The following NRXN3 variants were observed in gnomAD, a reference collection of about 807,000 sequenced individuals.
The protein encoded by NRXN3 is neurexin 3.
Under a neutral mutation model 137.6 loss-of-function variants are expected in NRXN3, and 32 were observed. The ratio of observed to expected loss-of-function variants is 0.23; its 90% CI spans 0.18 to 0.31. The LOEUF (loss-of-function observed/expected upper bound fraction) is 0.31. Among genes scored for constraint, NRXN3 ranks in the 10% least tolerant of loss-of-function variants. The probability of loss-of-function intolerance (pLI) is 1.00; values close to 1 mark genes in which losing one functional copy is unlikely to be tolerated. For synonymous variants in NRXN3, 798 were observed against 784.5 expected, an observed-to-expected ratio of 1.02 and a Z score of -0.29; for missense variants, 1,574 against 2,062.5, an observed-to-expected ratio of 0.76 and a Z score of 4.59.
chr14:79,578,592 C>T (rs1273343899), intron 16 of NRXN3, among the ~76,000 whole-genome samples: 4 of 152,170 alleles, frequency 2.6e-5, no homozygotes, highest in African/African-American at 9.7e-5. Flanking sequence ...TCCTACTAGG[C>T]ATGCTCCTCC....
chr14:78,403,233 C>T (rs142216674), intron 4 of NRXN3, among the ~76,000 whole-genome samples: 40 of 152,346 alleles, frequency 2.6e-4, no homozygotes, highest in African/African-American at 9.1e-4. Flanking sequence ...GAAGGGGCCC[C>T]AGGTAACTGC....
intron 2 of NRXN3, among the ~76,000 whole-genome samples, chr14:78,267,894 C>T (rs2072046260): frequency 6.6e-6 from 1 of 152,168 alleles, no homozygotes; most frequent in Non-Finnish European, 1.5e-5. Context: ...TTTTGAGTCT[C>T]CAGTGCCTAA....
chr14:78,867,966 T>G (rs2099091450), intron 10 of NRXN3, among the ~76,000 whole-genome samples: 1 of 148,672 alleles, frequency 6.7e-6, no homozygotes, highest in African/African-American at 2.4e-5. Flanking sequence ...AATATTTTTA[T>G]AATTATAAAA....
chr14:79,519,431 T>A (rs2097035431), intron 16 of NRXN3, among the ~76,000 whole-genome samples: 2 of 152,122 alleles, frequency 1.3e-5, no homozygotes, highest in Non-Finnish European at 2.9e-5. Flanking sequence ...CTATATGAAT[T>A]GGCCCTTTAT....
chr14:79,102,016 C>T (rs1231097848), intron 15 of NRXN3, among the ~76,000 whole-genome samples: 1 of 152,058 alleles, frequency 6.6e-6, no homozygotes, highest in Admixed American at 6.6e-5. Flanking sequence ...GGATCACTGG[C>T]GACATCAGAA....
chr14:79,653,144 G>A (rs1192477205), intron 16 of NRXN3, among the ~76,000 whole-genome samples: 4 of 152,008 alleles, frequency 2.6e-5, no homozygotes, highest in Non-Finnish European at 5.9e-5. Context: ...AAGGAAAAAT[G>A]AGCCCTTATT....
In NRXN3 at chr14:78,176,378, G is replaced by GTT. The variant is rs35762018; in HGVS notation, c.-704+5722_-704+5723dup. Among the ~76,000 whole-genome samples the GTT allele has an allele frequency of 2.9e-3, 412 of 140,058 alleles. 1 individual carries two copies. Among genetic ancestry groups the GTT allele is most frequent in the Middle Eastern group, 0.011 (3 of 272 alleles). 91.9% of individuals were successfully genotyped at this position (140,058 alleles called of 152,430 possible). On this transcript the variant is annotated intron_variant, in intron 1 of 20. Transcript: ENST00000335750. Reference sequence around the variant, plus strand: ...TACTATTTACAAAGTTCTCTTCCAAGTTTTTTTTTTTTTTTTTTTAACACT... The same window carrying GTT: ...TACTATTTACAAAGTTCTCTTCCAAGTTTTTTTTTTTTTTTTTTTTTAACACT...
At chr14:78,719,554 G>T (rs552453730) in intron 8 of NRXN3, among the ~76,000 whole-genome samples, 3 of 152,274 alleles carry the variant, frequency 2.0e-5, no homozygotes, top group African/African-American at 7.2e-5. Flanking sequence ...TAGTAGGGTT[G>T]GCAGAGGCCA....
intron 15 of NRXN3, among the ~76,000 whole-genome samples, chr14:79,341,145 C>T (rs1486119769): frequency 1.3e-5 from 2 of 152,056 alleles, no homozygotes; most frequent in East Asian, 3.9e-4. Context: ...TTGCTGGCTC[C>T]CATACAAATA....
intron 15 of NRXN3, among the ~76,000 whole-genome samples, chr14:79,146,491 A>G (rs548180321): frequency 6.6e-6 from 1 of 152,276 alleles, no homozygotes; most frequent in Admixed American, 6.5e-5. Context: ...AATATCTGAT[A>G]AGATAGCATG....
intron 20 of NRXN3, among the ~76,000 whole-genome samples, chr14:79,856,407 A>C (rs1010718002): frequency 6.6e-6 from 1 of 152,142 alleles, no homozygotes; most frequent in Non-Finnish European, 1.5e-5. Context: ...TCCCCTTATC[A>C]TGTGAATTTT....
intron 4 of NRXN3, among the ~76,000 whole-genome samples, chr14:78,450,650 C>A (rs997139856): frequency 6.6e-6 from 1 of 152,212 alleles, no homozygotes; most frequent in Non-Finnish European, 1.5e-5. Context: ...AGAACTTCAC[C>A]CTCTCTGGTC....
At chr14:79,710,482 G>A (rs1198477417) in intron 19 of NRXN3, among the ~76,000 whole-genome samples, 1 of 152,216 alleles carries the variant, frequency 6.6e-6, no homozygotes, top group Non-Finnish European at 1.5e-5. Flanking sequence ...CTGCACAGCA[G>A]TGGTCTTAGT....
At chr14:78,738,428 T>C (rs146125078) in intron 8 of NRXN3, among the ~76,000 whole-genome samples, 1,694 of 152,244 alleles carry the variant, frequency 0.011, 30 homozygotes, top group African/African-American at 0.038. Context: ...TCAGCTGATA[T>C]GAAAGCTTTA....
At chr14:79,552,379 T>A (rs1231745476) in intron 16 of NRXN3, among the ~76,000 whole-genome samples, 1 of 152,196 alleles carries the variant, frequency 6.6e-6, no homozygotes, top group Non-Finnish European at 1.5e-5. Flanking sequence ...TGTGTGAATT[T>A]GAGTAGTTAC....
intron 15 of NRXN3, among the ~76,000 whole-genome samples, chr14:79,355,892 C>T (rs1266620399): frequency 6.6e-6 from 1 of 151,900 alleles, no homozygotes; most frequent in Non-Finnish European, 1.5e-5. Context: ...GTAAAGAAAC[C>T]CTAGAGGTCA....
At chr14:79,269,135 C>T (rs1463903860) in intron 15 of NRXN3, among the ~76,000 whole-genome samples, 6 of 152,202 alleles carry the variant, frequency 3.9e-5, no homozygotes, top group South Asian at 4.1e-4. Flanking sequence ...CTGCAAGCTC[C>T]GCCTCCCGGG....
intron 4 of NRXN3, among the ~76,000 whole-genome samples, chr14:78,638,936 G>A (rs542713345): frequency 6.6e-6 from 1 of 152,230 alleles, no homozygotes; most frequent in South Asian, 2.1e-4. Flanking sequence ...TTTTGCCTTG[G>A]AGCCATTACT....
At chr14:79,429,669 C>T (rs2095713812) in intron 15 of NRXN3, among the ~76,000 whole-genome samples, 1 of 152,174 alleles carries the variant, frequency 6.6e-6, no homozygotes, top group Non-Finnish European at 1.5e-5. Context: ...CCACTCCAAG[C>T]CCTTTGCAGA....
Sources: allele counts gnomAD v4.1 joint callset (sites outside exome capture counted in the v4.1 genomes callset), GRCh38; gene constraint gnomAD v4.1.1; transcripts MANE v1.5; gene names NCBI Gene and HGNC (gene_info 2026-07-23, HGNC 2026-07-21).